DAAM1: variants seen among roughly 807,000 people sequenced by gnomAD.
DAAM1 encodes dishevelled associated activator of morphogenesis 1, also known as disheveled-associated activator of morphogenesis 1.
Under a neutral mutation model 130.0 loss-of-function variants are expected in DAAM1, and 52 were observed. The ratio of observed to expected loss-of-function variants is 0.40; its 90% CI spans 0.32 to 0.50. The LOEUF (loss-of-function observed/expected upper bound fraction) is 0.50. Among genes scored for constraint, DAAM1 ranks in the 20% least tolerant of loss-of-function variants. The probability of loss-of-function intolerance (pLI) is 0.61; values close to 1 mark genes in which losing one functional copy is unlikely to be tolerated. For missense variants in DAAM1, 1,134 were observed against 1,303.8 expected (o/e 0.87, Z 2.01); for synonymous variants, 452 against 444.5 (o/e 1.02, Z -0.21).
chr14:59,336,507 A>C (rs1214987811), intron 15 of DAAM1, among the ~76,000 whole-genome samples: 1 of 152,254 alleles, frequency 6.6e-6, no homozygotes, highest in Non-Finnish European at 1.5e-5. Flanking sequence ...CATTATTTCT[A>C]ACATGCCCCT....
chr14:59,211,879 T>C (rs1488415976), intron 1 of DAAM1, among the ~76,000 whole-genome samples: 1 of 152,224 alleles, frequency 6.6e-6, no homozygotes, highest in Non-Finnish European at 1.5e-5. Flanking sequence ...ACTAAAAATA[T>C]TCAAACATAT....
intron 23 of DAAM1, among the ~76,000 whole-genome samples, chr14:59,366,929 A>AC (rs1251541925): frequency 2.0e-5 from 3 of 151,708 alleles, no homozygotes; most frequent in East Asian, 3.9e-4. Context: ...TAAAAAAAAA[A>AC]AAAACTAATA....
rs199955715 is a variant in DAAM1 at position 59,272,596 on chromosome 14, AAT to A, written c.183+8948_183+8949del. Among the ~76,000 whole-genome samples the A allele has an allele frequency of 2.2e-4, 26 of 118,188 alleles. No individual in the cohort carries two copies. In the East Asian group the frequency reaches 3.2e-3, roughly 15 times the overall value. 77.5% of individuals were successfully genotyped at this position (118,188 alleles called of 152,430 possible). ...TCTCAAAAAACAAACAAACAAACAA[AAT>A]ATATATATATACACACACACACACA... On this transcript the variant is annotated intron_variant, in intron 2 of 24. Transcript: ENST00000360909.
Position 59,352,631 on chromosome 14 carries a change from C to A in DAAM1, c.2266C>A (p.Arg756=), listed in dbSNP as rs1210870943. 1 of 1,610,602 alleles carries A rather than the reference C, an allele frequency of 6.2e-7. No individual in the cohort carries two copies. Among genetic ancestry groups the A allele is most frequent in the Non-Finnish European group, 8.5e-7 (1 of 1,178,540 alleles). The change falls in exon 18 of 25, where the codon CGA becomes AGA. Residue 756 remains arginine, a splice_region_variant and synonymous_variant. Coordinates refer to ENST00000360909, the MANE Select transcript of DAAM1 (RefSeq NM_001270520.2). ...KADRFLFEMS[R]INHYQQRLQS... ...TGATAGGTTCCTTTTTGAGATGAGC[C>A]GGTGAGTTTGAAAATGCTGGGAATG...
At chr14:59,349,360 T>G (rs539588217) in intron 17 of DAAM1, among the ~76,000 whole-genome samples, 6 of 152,278 alleles carry the variant, frequency 3.9e-5, no homozygotes, top group Non-Finnish European at 8.8e-5. Flanking sequence ...GGGCCTGCAG[T>G]GCAAATAGAG....
intron 1 of DAAM1, among the ~76,000 whole-genome samples, chr14:59,240,358 C>T (rs1382558306): frequency 6.6e-6 from 1 of 152,140 alleles, no homozygotes; most frequent in African/African-American, 2.4e-5. Flanking sequence ...GAGAGGTGCT[C>T]AGTAAATGTT....
rs531273500 is a variant in DAAM1, at chr14:59,273,352, T to A, written c.183+9692T>A. 3.8e-3 allele frequency among the ~76,000 whole-genome samples: 573 copies of A among 152,298 alleles called. 1 individual carries two copies. The highest frequency in any genetic ancestry group is 7.8e-3 in the Admixed American group (120 of 15,306). ...TTATCATTTATTTCTGGATGCTTCTTATATCTTAATATTAGATCAAGGAGA... is the reference window on the plus strand; with the variant it reads ...TTATCATTTATTTCTGGATGCTTCTAATATCTTAATATTAGATCAAGGAGA... On this transcript the variant is annotated intron_variant, in intron 2 of 24. Transcript: ENST00000360909.
intron 1 of DAAM1, among the ~76,000 whole-genome samples, chr14:59,261,395 C>T (rs576350060): frequency 6.6e-6 from 1 of 152,300 alleles, no homozygotes; most frequent in East Asian, 1.9e-4. Context: ...ATTCCTGGTA[C>T]ATAGTGGGTA....
At chr14:59,217,536 ATAAT>A (rs1034873270) in intron 1 of DAAM1, among the ~76,000 whole-genome samples, 9 of 152,146 alleles carry the variant, frequency 5.9e-5, no homozygotes, top group Non-Finnish European at 1.5e-5. Flanking sequence ...TATTTAAATT[ATAAT>A]TAATTAAAGT....
chr14:59,258,658 G>C lies in DAAM1; in HGVS notation c.-37-4783G>C, dbSNP rs547181277. ...AGCGGAATGATTCCTTTTGTTTCCT[G>C]TTTTGGTCTGTATCTGAAAGACTAG... is the stretch of plus-strand genomic sequence containing the variant. On this transcript the variant is annotated intron_variant, in intron 1 of 24. Coordinates refer to ENST00000360909, the MANE Select transcript of DAAM1 (RefSeq NM_001270520.2). Among the ~76,000 whole-genome samples, 6 of 152,268 alleles carry C rather than the reference G, an allele frequency of 3.9e-5. No individual in the cohort carries two copies. The South Asian group carries it at 1.2e-3, about 32-fold the overall frequency.
At chr14:59,202,942 G>A (rs1888151898) in intron 1 of DAAM1, among the ~76,000 whole-genome samples, 1 of 151,650 alleles carries the variant, frequency 6.6e-6, no homozygotes, top group Non-Finnish European at 1.5e-5. Flanking sequence ...AAATGTATTA[G>A]CATAGCGTAG....
At chr14:59,340,524 C>T (rs530370985) in intron 16 of DAAM1, among the ~76,000 whole-genome samples, 8 of 152,356 alleles carry the variant, frequency 5.3e-5, no homozygotes, top group African/African-American at 1.9e-4. Context: ...AGCATTGTCA[C>T]AGAATCAGGA....
At chr14:59,280,223 A>G (rs1232831013) in intron 2 of DAAM1, among the ~76,000 whole-genome samples, 1 of 152,212 alleles carries the variant, frequency 6.6e-6, no homozygotes, top group Non-Finnish European at 1.5e-5. Context: ...TATACTTAAC[A>G]TGTGTACATT....
At chr14:59,277,900 G>A (rs1316121602) in intron 2 of DAAM1, among the ~76,000 whole-genome samples, 3 of 152,010 alleles carry the variant, frequency 2.0e-5, no homozygotes, top group Admixed American at 1.3e-4. Context: ...TACCAGCAGG[G>A]GATATGGCCC....
chr14:59,275,389 A>G (rs1420948953), intron 2 of DAAM1, among the ~76,000 whole-genome samples: 1 of 152,192 alleles, frequency 6.6e-6, no homozygotes, highest in Non-Finnish European at 1.5e-5. Context: ...GTGTAATACA[A>G]GTTTACCTAT....
intron 2 of DAAM1, among the ~76,000 whole-genome samples, chr14:59,288,887 CTGT>C (rs1373126708): frequency 1.4e-5 from 2 of 147,674 alleles, no homozygotes; most frequent in Non-Finnish European, 1.5e-5. Flanking sequence ...GTACCACACA[CTGT>C]TGTTGTTTTT....
At position 59,298,296 on chromosome 14, in the gene DAAM1, T is replaced by C. The variant is rs544116057; in HGVS notation, c.273+6990T>C. 3.8e-3 allele frequency among the ~76,000 whole-genome samples: 572 copies of C among 152,340 alleles called. 3 individuals carry two copies. Among genetic ancestry groups the C allele is most frequent in the Middle Eastern group, 6.8e-3 (2 of 294 alleles). On this transcript the variant is annotated intron_variant, in intron 3 of 24. Transcript: ENST00000360909. Reference sequence around the variant, plus strand: ...ATTTAAAATGCAGCCAGTGCTTGTGTTGTCAAGACAATGTTGGCATATTTT... The same window carrying C: ...ATTTAAAATGCAGCCAGTGCTTGTGCTGTCAAGACAATGTTGGCATATTTT...
intron 3 of DAAM1, among the ~76,000 whole-genome samples, chr14:59,292,970 G>T (rs1566688178): frequency 6.6e-6 from 1 of 152,112 alleles, no homozygotes; most frequent in Non-Finnish European, 1.5e-5. Flanking sequence ...TTTTAAAATG[G>T]AATAAAATGT....
intron 1 of DAAM1, among the ~76,000 whole-genome samples, chr14:59,189,767 C>CT (rs995977211): frequency 3.9e-5 from 6 of 152,188 alleles, no homozygotes; most frequent in Non-Finnish European, 8.8e-5. Context: ...TGTTCTTTGC[C>CT]TTTCCTAGTA....
Sources: allele counts gnomAD v4.1 joint callset (sites outside exome capture counted in the v4.1 genomes callset), GRCh38; gene constraint gnomAD v4.1.1; transcripts MANE v1.5; gene names NCBI Gene and HGNC (gene_info 2026-07-23, HGNC 2026-07-21).